Variants in SEZ6L observed in about 807,000 individuals in gnomAD.
The protein encoded by SEZ6L is seizure related 6 homolog like.
A neutral mutation model predicts 106.2 loss-of-function variants in SEZ6L; 37 were observed. That is an observed-to-expected ratio of 0.35 (90% CI 0.27 to 0.46). SEZ6L has a LOEUF of 0.46. Ranked by LOEUF, SEZ6L falls within the 20% of genes least tolerant of loss-of-function variation. SEZ6L has a pLI of 1.00. For missense variants in SEZ6L, 1,172 were observed against 1,332.8 expected, an observed-to-expected ratio of 0.88 and a Z score of 1.88; for synonymous variants, 541 against 570.4, an observed-to-expected ratio of 0.95 and a Z score of 0.73.
At chr22:26,300,773 A>G (rs2081430012) in intron 5 of SEZ6L, among the ~76,000 whole-genome samples, 1 of 152,250 alleles carries the variant, frequency 6.6e-6, no homozygotes, top group African/African-American at 2.4e-5. Context: ...TCCCACCAAC[A>G]GTGTAAAAGT....
intron 1 of SEZ6L, among the ~76,000 whole-genome samples, chr22:26,174,376 G>A (rs1216808399): frequency 6.6e-6 from 1 of 152,196 alleles, no homozygotes; most frequent in East Asian, 1.9e-4. Flanking sequence ...AAACAGAGGA[G>A]CGAGTGGGAG....
chr22:26,246,271 G>A (rs962011854), intron 1 of SEZ6L, among the ~76,000 whole-genome samples: 1 of 152,168 alleles, frequency 6.6e-6, no homozygotes, highest in South Asian at 2.1e-4. Context: ...CTCTCCTGTT[G>A]TAGAAAGACA....
chr22:26,369,343 TTTG>T (rs754245280), intron 13 of SEZ6L, among the ~76,000 whole-genome samples: 4,530 of 89,202 alleles, frequency 0.051, 1,345 homozygotes, highest in African/African-American at 0.063. Flanking sequence ...AAGCAGTTCT[TTTG>T]TTTTTTTTTT....
chr22:26,263,370 G>A (rs138115250), intron 1 of SEZ6L, among the ~76,000 whole-genome samples: 9 of 152,190 alleles, frequency 5.9e-5, no homozygotes, highest in African/African-American at 9.7e-5. Context: ...ATGCAAGTGC[G>A]CTTAGCACTG....
intron 1 of SEZ6L, among the ~76,000 whole-genome samples, chr22:26,186,211 G>T (rs567074062): frequency 6.6e-6 from 1 of 152,102 alleles, no homozygotes; most frequent in African/African-American, 2.4e-5. Flanking sequence ...GGCTTGGCCA[G>T]AGATAAGTCC....
Position 26,311,942 on chromosome 22 carries a change from A to C in SEZ6L, c.1856A>C (p.Asp619Ala). 6.2e-7 allele frequency: 1 copy of C among 1,614,146 alleles called. No homozygotes were observed. Residue 619 changes from aspartate (D) to alanine (A), a missense_variant, in exon 8 of 17, where the codon GAC (aspartate) becomes GCC (alanine). Asp to Ala is a moderately radical substitution (Grantham distance 126, BLOSUM62 -2). This residue lies in a region of SEZ6L where 534 missense variants were observed against 691.0 expected (regional missense o/e 0.77). Coordinates refer to ENST00000248933, the MANE Select transcript of SEZ6L (RefSeq NM_021115.5). ...AATGTGCGGGACCCATACTGGAATG[A>C]CACAGAGCCCCTGTGCAGAGGTGAG... ...CINVRDPYWN[D>A]TEPLCRAMCG...
rs201841723 is a variant in SEZ6L at position 26,310,807 on chromosome 22, C to T, written c.1652C>T (p.Ala551Val). The change falls in exon 7 of 17, where the codon GCG becomes GTG. Residue 551 changes from alanine to valine, a missense_variant. Physicochemically the swap from Ala to Val is moderately conservative, Grantham distance 64. Coordinates refer to ENST00000248933, the MANE Select transcript of SEZ6L (RefSeq NM_021115.5). ...RIEFTSDQAR[A>V]ASTFNIRFEA... is the part of the protein sequence containing the mutation. ...GAGTTCACGTCCGACCAGGCCCGGG[C>T]GGCCTCCACCTTCAACATCCGATTT... 5.8e-5 allele frequency: 94 copies of T among 1,614,032 alleles called. No individual in the cohort carries two copies. The African/African-American group carries it at 1.1e-3, about 18-fold the overall frequency.
chr22:26,326,963 C>T (rs538092856), intron 9 of SEZ6L, among the ~76,000 whole-genome samples: 298 of 152,290 alleles, frequency 2.0e-3, no homozygotes, highest in African/African-American at 6.8e-3. Context: ...CCACGCCAGG[C>T]GGGGACGGCC....
In SEZ6L at chr22:26,284,604, C is replaced by CAAAAAAAAAA. The variant is rs137198; in HGVS notation, c.95-7783_95-7774dup. Among the ~76,000 whole-genome samples the CAAAAAAAAAA allele has an allele frequency of 3.0e-4, 19 of 64,032 alleles. No individual in the cohort carries two copies. The East Asian group carries it at 7.8e-3, about 26-fold the overall frequency. 42.0% of individuals were successfully genotyped at this position (64,032 alleles called of 152,430 possible). A position where few individuals can be genotyped will look rare whatever the true frequency, so the allele number is the denominator to read the frequency against. On this transcript the variant is annotated intron_variant, in intron 1 of 16. Coordinates refer to ENST00000248933, the MANE Select transcript of SEZ6L (RefSeq NM_021115.5). ...CAGCCTTGATGACAGATCAGGACTC[C>CAAAAAAAAAA]AAAAAAAAAAAAAAAAAAAAAAAAA...
At chr22:26,223,922 A>G (rs2078560932) in intron 1 of SEZ6L, among the ~76,000 whole-genome samples, 1 of 152,164 alleles carries the variant, frequency 6.6e-6, no homozygotes, top group Admixed American at 6.5e-5. Flanking sequence ...ATAATTCATC[A>G]CTTACTAAAT....
chr22:26,304,420 GAAA>G (rs1569454490), intron 5 of SEZ6L, among the ~76,000 whole-genome samples: 2 of 142,932 alleles, frequency 1.4e-5, no homozygotes, highest in Non-Finnish European at 3.1e-5. Context: ...AAGAAAGAAA[GAAA>G]GAAAGAAAAA....
intron 10 of SEZ6L, among the ~76,000 whole-genome samples, chr22:26,346,345 T>G (rs553471259): frequency 1.6e-3 from 246 of 152,332 alleles, no homozygotes; most frequent in African/African-American, 5.7e-3. Flanking sequence ...CCCACCTTCT[T>G]TTTATTTTGA....
intron 16 of SEZ6L, among the ~76,000 whole-genome samples, chr22:26,378,590 T>C (rs1381734361): frequency 6.6e-6 from 1 of 152,142 alleles, no homozygotes; most frequent in Non-Finnish European, 1.5e-5. Flanking sequence ...ATGGGGACAC[T>C]TAGAGGGAGT....
chr22:26,193,284 T>A (rs1241448452), intron 1 of SEZ6L, among the ~76,000 whole-genome samples: 2 of 152,202 alleles, frequency 1.3e-5, no homozygotes, highest in Admixed American at 6.5e-5. Context: ...GAGACAAATA[T>A]GGCTTAATGC....
At chr22:26,350,804 C>T in intron 11 of SEZ6L, among the ~76,000 whole-genome samples, 1 of 151,906 alleles carries the variant, frequency 6.6e-6, no homozygotes, top group East Asian at 1.9e-4. Flanking sequence ...GTACAGGCGC[C>T]CACCACCAGG....
chr22:26,309,570 C>CTATTAA (rs2081747315), intron 6 of SEZ6L, among the ~76,000 whole-genome samples: 1 of 152,040 alleles, frequency 6.6e-6, no homozygotes, highest in African/African-American at 2.4e-5. Context: ...AACTTACCTA[C>CTATTAA]CGTGTCCTGT....
intron 5 of SEZ6L, among the ~76,000 whole-genome samples, chr22:26,304,368 A>G (rs374061987): frequency 3.9e-5 from 3 of 77,408 alleles, no homozygotes; most frequent in Admixed American, 1.4e-4. Flanking sequence ...AAAAAAAGAA[A>G]GAAGAAAGAA....
chr22:26,299,195 A>G, intron 5 of SEZ6L, 26 bp downstream of exon 5: 1 of 1,371,162 alleles, frequency 7.3e-7, no homozygotes, highest in Admixed American at 3.1e-5. Flanking sequence ...AGCCGGACCA[A>G]ACCTGATGGT....
chr22:26,342,953 C>T (rs974398217), intron 10 of SEZ6L, among the ~76,000 whole-genome samples: 7 of 152,162 alleles, frequency 4.6e-5, no homozygotes, highest in Non-Finnish European at 1.0e-4. Context: ...TTTTTCATCC[C>T]TGCCTGCTAC....
Sources: gnomAD v4.1 joint callset for allele counts (sites outside exome capture counted in the v4.1 genomes callset) on GRCh38, gnomAD v4.1.1 for gene constraint, gnomAD v4.1.1 regional missense constraint, MANE v1.5 for transcripts, NCBI Gene and HGNC (gene_info 2026-07-23, HGNC 2026-07-21) for gene names.